Variants in TJP1 observed in about 807,000 individuals in gnomAD.
The protein encoded by TJP1 is tight junction protein 1.
A neutral mutation model predicts 194.2 loss-of-function variants in TJP1; 43 were observed. The observed-to-expected ratio is 0.22, with a 90% CI of 0.17 to 0.29. The LOEUF (loss-of-function observed/expected upper bound fraction) is 0.29. TJP1 is among the 10% of genes least tolerant of loss of function. The pLI is 1.00. For missense variants in TJP1, 1,971 were observed against 2,185.7 expected (o/e 0.90, Z 1.96); for synonymous variants, 801 against 779.0 (o/e 1.03, Z -0.47).
intron 4 of TJP1, among the ~76,000 whole-genome samples, chr15:29,768,751 C>T (rs1373422320): frequency 1.3e-5 from 2 of 152,030 alleles, no homozygotes; most frequent in Non-Finnish European, 2.9e-5. Flanking sequence ...TATGAATCAA[C>T]AGTTATAAAC....
At chr15:29,961,031 G>C (rs1252432033) in intron 1 of TJP1, among the ~76,000 whole-genome samples, 1 of 152,168 alleles carries the variant, frequency 6.6e-6, no homozygotes, top group Non-Finnish European at 1.5e-5. Flanking sequence ...AGGGGCGTGT[G>C]TGTTTCATTG....
chr15:29,715,034 C>G (rs1273477721), intron 23 of TJP1, among the ~76,000 whole-genome samples: 3 of 152,190 alleles, frequency 2.0e-5, no homozygotes, highest in Non-Finnish European at 4.4e-5. Flanking sequence ...GTGCCTAGCT[C>G]ACTTTAGGCT....
chr15:29,723,721 A>T (rs888706180), intron 18 of TJP1, among the ~76,000 whole-genome samples: 1 of 152,234 alleles, frequency 6.6e-6, no homozygotes, highest in African/African-American at 2.4e-5. Flanking sequence ...AGAGGAAGAA[A>T]TACAGTAATG....
intron 2 of TJP1, among the ~76,000 whole-genome samples, chr15:29,903,729 C>T (rs1251384888): frequency 1.3e-5 from 2 of 152,212 alleles, no homozygotes; most frequent in Non-Finnish European, 2.9e-5. Flanking sequence ...CAGGCGTGAG[C>T]TACCACGCCC....
At chr15:29,739,531 C>G (rs1190120034) in intron 10 of TJP1, among the ~76,000 whole-genome samples, 1 of 152,060 alleles carries the variant, frequency 6.6e-6, no homozygotes, top group African/African-American at 2.4e-5. Flanking sequence ...GCAAGCTCCA[C>G]CTCCTGGGTT....
intron 2 of TJP1, among the ~76,000 whole-genome samples, chr15:29,950,051 ACCACCTCC>A: frequency 2.4e-5 from 1 of 41,010 alleles, no homozygotes; most frequent in African/African-American, 1.2e-4. Context: ...CTCCACCACC[ACCACCTCC>A]ACCACCACCA....
chr15:29,798,584 A>C (rs1041660263), intron 2 of TJP1, among the ~76,000 whole-genome samples: 1 of 152,198 alleles, frequency 6.6e-6, no homozygotes, highest in African/African-American at 2.4e-5. Flanking sequence ...ATACACTGCC[A>C]GTGGTGGTGT....
intron 2 of TJP1, among the ~76,000 whole-genome samples, chr15:29,792,186 T>C (rs1271621524): frequency 2.6e-5 from 4 of 152,214 alleles, no homozygotes; most frequent in African/African-American, 9.6e-5. Context: ...CAAGAAACCT[T>C]AGCCCATACC....
At chr15:29,849,146 T>A (rs988198818) in intron 2 of TJP1, among the ~76,000 whole-genome samples, 1 of 152,134 alleles carries the variant, frequency 6.6e-6, no homozygotes, top group Admixed American at 6.6e-5. Flanking sequence ...GTTGAATAAC[T>A]AGTAGGCTTG....
At chr15:29,734,728 C>T (rs942479227) in intron 11 of TJP1, among the ~76,000 whole-genome samples, 3 of 151,944 alleles carry the variant, frequency 2.0e-5, no homozygotes, top group Non-Finnish European at 4.4e-5. Context: ...TCAGGTGATC[C>T]GCCCGCTTTG....
At chr15:29,782,800 A>T (rs2047445464) in intron 2 of TJP1, among the ~76,000 whole-genome samples, 1 of 151,452 alleles carries the variant, frequency 6.6e-6, no homozygotes, top group African/African-American at 2.4e-5. Flanking sequence ...TATGCATCTG[A>T]CAAAGGTCTA....
intron 7 of TJP1, 133 bp from the exon 8 acceptor site, chr15:29,761,419 C>T (rs916050381): frequency 3.1e-6 from 4 of 1,305,370 alleles, no homozygotes; most frequent in Non-Finnish European, 4.2e-6. Context: ...ATTAATTTCA[C>T]CTGCCAGCAA....
At chr15:29,931,924 G>A (rs2054727768) in intron 2 of TJP1, among the ~76,000 whole-genome samples, 1 of 152,134 alleles carries the variant, frequency 6.6e-6, no homozygotes, top group South Asian at 2.1e-4. Context: ...CACCATGTAG[G>A]GTAACTTCCT....
At chr15:29,853,925 A>C (rs941255141) in intron 2 of TJP1, among the ~76,000 whole-genome samples, 8 of 152,176 alleles carry the variant, frequency 5.3e-5, no homozygotes, top group South Asian at 2.1e-4. Flanking sequence ...ATCCAGGAGC[A>C]ACGACGCACC....
In TJP1 at chr15:29,721,858, A is replaced by G. The variant is rs192757581; in HGVS notation, c.2413-1150T>C. 5.2e-5 allele frequency among the ~76,000 whole-genome samples: 8 copies of G among 152,388 alleles called. No homozygotes were observed. The East Asian group carries it at 1.5e-3, about 29-fold the overall frequency. On this transcript the variant is annotated intron_variant, in intron 18 of 27. Transcript: ENST00000614355. ...TCATTCATTCTTGCTATGCTTTAGC[A>G]AAGACACTGGTGGCACTGTGCCCCT...
chr15:29,819,736 C>A (rs958418289), intron 1 of TJP1, among the ~76,000 whole-genome samples: 1 of 152,184 alleles, frequency 6.6e-6, no homozygotes, highest in South Asian at 2.1e-4. Flanking sequence ...CTGTCTCCAT[C>A]CAGAAAATAC....
intron 10 of TJP1, among the ~76,000 whole-genome samples, chr15:29,738,447 G>A (rs139343316): frequency 1.1e-4 from 16 of 152,240 alleles, no homozygotes; most frequent in African/African-American, 3.1e-4. Flanking sequence ...TAAAGAGATC[G>A]CCTTAACTTT....
intron 10 of TJP1, 151 bp downstream of exon 10, chr15:29,741,180 G>GCAGAATGTTAAATATT: frequency 1.7e-6 from 1 of 603,314 alleles, no homozygotes; most frequent in Non-Finnish European, 2.8e-6. Flanking sequence ...TCATATATAA[G>GCAGAATGTTAAATATT]TAGCAGAATG....
At chr15:29,808,523 CTGT>C (rs1567070186) in intron 1 of TJP1, among the ~76,000 whole-genome samples, 1 of 152,126 alleles carries the variant, frequency 6.6e-6, no homozygotes. Flanking sequence ...CCTGACAGAA[CTGT>C]AAGTAATTTG....
Sources: allele counts gnomAD v4.1 joint callset (sites outside exome capture counted in the v4.1 genomes callset), GRCh38; gene constraint gnomAD v4.1.1; transcripts MANE v1.5; gene names NCBI Gene and HGNC (gene_info 2026-07-23, HGNC 2026-07-21).